The following DDX21 variants were observed in gnomAD, a reference collection of about 807,000 sequenced individuals.
DDX21 encodes the protein nucleolar RNA helicase 2.
In DDX21, 18 loss-of-function variants were observed where a neutral mutation model predicts 90.0. The ratio of observed to expected loss-of-function variants is 0.20; its 90% confidence interval spans 0.14 to 0.30. DDX21 has a LOEUF of 0.30. DDX21 is among the 10% of genes least tolerant of loss of function. The pLI, the probability that DDX21 is intolerant of heterozygous loss-of-function variation, is 1.00. For missense variants in DDX21, 673 were observed against 944.5 expected (o/e 0.71, Z 3.77); for synonymous variants, 294 against 318.0 (o/e 0.92, Z 0.80).
chr10:68,957,537 A>C (rs1170458892), intron 1 of DDX21, among the ~76,000 whole-genome samples: 1 of 152,220 alleles, frequency 6.6e-6, no homozygotes, highest in Non-Finnish European at 1.5e-5. Context: ...TTAGAATTGT[A>C]GGAAGCCGCG....
chr10:68,979,974 C>T lies in DDX21; in HGVS notation c.2037+998C>T, dbSNP rs1455000093. 1.3e-5 allele frequency among the ~76,000 whole-genome samples: 2 copies of T among 152,190 alleles called. 1 individual carries two copies. The highest frequency in any genetic ancestry group is 1.3e-4 in the Admixed American group (2 of 15,286). ...GTAATCTTTCGGCTGGGCCCCGTGG[C>T]TCATGCCTGTAATCTCAGCACTTTG... On this transcript the variant is annotated intron_variant, in intron 13 of 14. Transcript: ENST00000354185.
At chr10:68,982,143 C>T (rs1843200927) in intron 14 of DDX21, among the ~76,000 whole-genome samples, 1 of 152,238 alleles carries the variant, frequency 6.6e-6, no homozygotes, top group Non-Finnish European at 1.5e-5. Context: ...GCTGGAATTA[C>T]AGGCATGAGC....
At chr10:68,971,170 G>C (rs1024176729) in intron 8 of DDX21, among the ~76,000 whole-genome samples, 3 of 151,594 alleles carry the variant, frequency 2.0e-5, no homozygotes, top group Non-Finnish European at 4.4e-5. Context: ...CAGTTCAGTG[G>C]CTTTTAGCAT....
intron 8 of DDX21, 82 bp downstream of exon 8, chr10:68,970,432 T>G: frequency 7.2e-7 from 1 of 1,393,434 alleles, no homozygotes; most frequent in East Asian, 2.5e-5. Context: ...GGTCTGATTT[T>G]CATTCATTCA....
Position 68,984,837 on chromosome 10 carries a change from G to T in DDX21, c.*2025G>T, listed in dbSNP as rs1330458192. On this transcript the variant is annotated 3_prime_UTR_variant, in exon 15 of 15. Transcript: ENST00000354185. ...TCTCCTGGATCCCAGAATTCAACCT[G>T]TATTTATAAATGTATAATGTATTTA... The T allele has an allele frequency of 6.6e-6, 1 of 152,114 alleles. No homozygotes were observed. Among genetic ancestry groups the T allele is most frequent in the Admixed American group, 6.5e-5 (1 of 15,272 alleles). 9.4% of individuals were successfully genotyped at this position (152,114 alleles called of 1,614,324 possible).
In DDX21 at chr10:68,973,521, T is replaced by TA; in HGVS notation, c.1549-23dup. The TA allele has an allele frequency of 1.9e-6, 3 of 1,613,718 alleles. No homozygotes were observed. In the South Asian group the frequency reaches 3.3e-5, roughly 18 times the overall value. On this transcript the variant is annotated intron_variant, in intron 9 of 14. Coordinates refer to ENST00000354185, the MANE Select transcript of DDX21 (RefSeq NM_004728.4). ...TTGTCTCTCTTTTTTGGTTTAGTGT[T>TA]ACTCATGTATTTTACTTCAATAGGA...
intron 4 of DDX21, chr10:68,964,167 A>C (rs553350074): frequency 1.2e-5 from 5 of 410,704 alleles, no homozygotes; most frequent in Middle Eastern, 3.6e-4. Context: ...GAAAACGCCA[A>C]GCCCCCATAT....
intron 14 of DDX21, among the ~76,000 whole-genome samples, chr10:68,981,802 G>A (rs1484749171): frequency 1.3e-5 from 2 of 151,894 alleles, no homozygotes; most frequent in East Asian, 3.8e-4. Context: ...AGTTGTGAAC[G>A]ATATCCAGCT....
chr10:68,958,320 G>A (rs578241232), intron 1 of DDX21, among the ~76,000 whole-genome samples: 80 of 152,148 alleles, frequency 5.3e-4, no homozygotes, highest in African/African-American at 1.7e-3. Context: ...CCAAGCTAGA[G>A]TGCAGTGGCA....
chr10:68,966,869 GTATCTT>G, intron 5 of DDX21, 143 bp from the exon 6 acceptor site: 1 of 532,974 alleles, frequency 1.9e-6, no homozygotes. Flanking sequence ...AGTGCCATGA[GTATCTT>G]TATCATTATT....
chr10:68,964,302 C>G (rs1328831221), intron 4 of DDX21, among the ~76,000 whole-genome samples: 1 of 152,096 alleles, frequency 6.6e-6, no homozygotes, highest in Non-Finnish European at 1.5e-5. Context: ...GTCTTTCTGG[C>G]CTAACCTCAC....
rs532626203 is a variant in DDX21, at chr10:68,977,198, A to G, written c.1743-331A>G. Among the ~76,000 whole-genome samples, 6 of 152,250 alleles carry G rather than the reference A, an allele frequency of 3.9e-5. No homozygotes were observed. The East Asian group carries it at 9.6e-4, about 24-fold the overall frequency. On this transcript the variant is annotated intron_variant, in intron 11 of 14. Coordinates refer to ENST00000354185, the MANE Select transcript of DDX21 (RefSeq NM_004728.4). ...TCTAATGGTAGTATGACATTTTATT[A>G]TGTCTGTTTTGTGGCTTATATAAGC...
intron 1 of DDX21, chr10:68,956,610 G>T: frequency 1.6e-6 from 2 of 1,225,114 alleles, no homozygotes; most frequent in Non-Finnish European, 2.1e-6. Context: ...AGAGGGCCGG[G>T]TGTCCCACGT....
At chr10:68,976,419 C>A (rs1282138109) in intron 11 of DDX21, among the ~76,000 whole-genome samples, 2 of 151,990 alleles carry the variant, frequency 1.3e-5, no homozygotes, top group Middle Eastern at 3.4e-3. Flanking sequence ...TTCCGAGTAG[C>A]TGGGACTACA....
At chr10:68,966,112 C>T (rs1035995604) in intron 5 of DDX21, among the ~76,000 whole-genome samples, 4 of 150,376 alleles carry the variant, frequency 2.7e-5, no homozygotes, top group African/African-American at 4.9e-5. Flanking sequence ...CTGGCTAACA[C>T]GGTAAAACCC....
rs1589282042 is a variant in DDX21, at chr10:68,959,658, C to T, written c.88-148C>T. The T allele has an allele frequency of 5.0e-6, 3 of 604,328 alleles. No individual in the cohort carries two copies. The East Asian group carries it at 9.8e-5, about 20-fold the overall frequency. The allele number at this position is 604,328 out of a possible 1,614,324, so 37.4% of individuals were successfully genotyped here. On this transcript the variant is annotated intron_variant, in intron 1 of 14. Coordinates refer to ENST00000354185, the MANE Select transcript of DDX21 (RefSeq NM_004728.4). ...CTTACTATTTTGATTTTTACCTTAT[C>T]ACAGCATGAAAGTACAAATGTCGAA...
intron 6 of DDX21, among the ~76,000 whole-genome samples, chr10:68,967,813 C>T (rs1842960170): frequency 1.3e-5 from 2 of 151,984 alleles, no homozygotes; most frequent in African/African-American, 4.8e-5. Context: ...TACCATCTGC[C>T]TAGTTTGATT....
At chr10:68,966,352 G>A (rs1334141739) in intron 5 of DDX21, among the ~76,000 whole-genome samples, 2 of 151,814 alleles carry the variant, frequency 1.3e-5, no homozygotes, top group Non-Finnish European at 2.9e-5. Context: ...TGGGATTACA[G>A]GCGTGAGCCA....
chr10:68,982,402 TG>T, intron 14 of DDX21, 140 bp from the exon 15 acceptor site: 2 of 1,183,952 alleles, frequency 1.7e-6, no homozygotes, highest in Non-Finnish European at 2.3e-6. Context: ...GGGTGGCCAG[TG>T]TTATTTTTGA....
Sources: gnomAD v4.1 joint callset for allele counts (sites outside exome capture counted in the v4.1 genomes callset) on GRCh38, gnomAD v4.1.1 for gene constraint, MANE v1.5 for transcripts, NCBI Gene and HGNC (gene_info 2026-07-23, HGNC 2026-07-21) for gene names.